EXOC2: variants seen among roughly 807,000 people sequenced by gnomAD.
The protein encoded by EXOC2 is exocyst complex component 2.
Under a neutral mutation model 131.8 loss-of-function variants are expected in EXOC2, and 70 were observed. That is an observed-to-expected ratio of 0.53 (90% confidence interval 0.44 to 0.65). The LOEUF (loss-of-function observed/expected upper bound fraction) is 0.65. EXOC2 is among the 30% of genes least tolerant of loss of function. The pLI is 0.00. For synonymous variants in EXOC2, 411 were observed against 398.4 expected, an observed-to-expected ratio of 1.03 and a Z score of -0.38; for missense variants, 923 against 1,108.6, an observed-to-expected ratio of 0.83 and a Z score of 2.38.
chr6:533,199 C>T (rs1766204124), intron 22 of EXOC2, among the ~76,000 whole-genome samples: 1 of 152,108 alleles, frequency 6.6e-6, no homozygotes, highest in Non-Finnish European at 1.5e-5. Context: ...TGGGTAGGGA[C>T]AGAAAGCCTA....
rs550815365 is a variant in EXOC2 at position 603,962 on chromosome 6, T to C, written c.743-4737A>G. ...AGCTAATAACGACAGGAAGCACTGA[T>C]GCTATGCCAGGTGTGATTCGAAAAC... is the stretch of plus-strand genomic sequence containing the variant. On this transcript the variant is annotated intron_variant, in intron 7 of 27. Coordinates refer to ENST00000230449, the MANE Select transcript of EXOC2 (RefSeq NM_018303.6). Among the ~76,000 whole-genome samples, 3 of 152,346 alleles carry C rather than the reference T, an allele frequency of 2.0e-5. No individual in the cohort carries two copies. In the South Asian group the frequency reaches 6.2e-4, roughly 32 times the overall value.
intron 1 of EXOC2, among the ~76,000 whole-genome samples, chr6:641,399 C>T (rs1438020676): frequency 6.6e-6 from 1 of 152,126 alleles, no homozygotes; most frequent in Non-Finnish European, 1.5e-5. Flanking sequence ...AAACCACGCC[C>T]TAGTATAGGC....
chr6:669,984 G>A (rs1007068968), intron 1 of EXOC2: 1 of 152,148 alleles, frequency 6.6e-6, no homozygotes, highest in Non-Finnish European at 1.5e-5. Context: ...ACATGTAAAG[G>A]GAATGTGATA....
chr6:591,666 T>C (rs1310222796), intron 11 of EXOC2, among the ~76,000 whole-genome samples: 2 of 152,160 alleles, frequency 1.3e-5, no homozygotes, highest in African/African-American at 2.4e-5. Flanking sequence ...CTGTCTACCC[T>C]ACTATTTTGT....
At chr6:570,202 C>T (rs1162006703) in intron 13 of EXOC2, among the ~76,000 whole-genome samples, 1 of 117,306 alleles carries the variant, frequency 8.5e-6, no homozygotes, top group East Asian at 2.7e-4. Flanking sequence ...GGCGCGATCT[C>T]GGCTCACTGC....
chr6:532,354 A>T (rs1766140158), intron 23 of EXOC2, 115 bp downstream of exon 23: 1 of 1,123,670 alleles, frequency 8.9e-7, no homozygotes, highest in East Asian at 2.8e-5. Flanking sequence ...AATCAAATTA[A>T]TCTCTCACTC....
At chr6:543,638 C>T (rs575496861) in intron 22 of EXOC2, among the ~76,000 whole-genome samples, 2 of 152,232 alleles carry the variant, frequency 1.3e-5, no homozygotes, top group South Asian at 2.1e-4. Flanking sequence ...ATAATGTATG[C>T]TTAGGTTGAA....
rs764813218 is a variant in EXOC2, at chr6:499,739, A to G, written c.2381-39T>C. Reference sequence around the variant, plus strand: ...AAAGGAGAGAAAGAAGGCATTAATAATAACACAAGCTCCCCTCCCCTGCTG... The same window carrying G: ...AAAGGAGAGAAAGAAGGCATTAATAGTAACACAAGCTCCCCTCCCCTGCTG... On this transcript the variant is annotated intron_variant, in intron 23 of 27. Coordinates refer to ENST00000230449, the MANE Select transcript of EXOC2 (RefSeq NM_018303.6). 2.5e-5 allele frequency: 39 copies of G among 1,562,474 alleles called. No individual in the cohort carries two copies. In the Admixed American group the frequency reaches 4.8e-4, roughly 19 times the overall value.
intron 21 of EXOC2, among the ~76,000 whole-genome samples, chr6:551,414 A>G (rs901190887): frequency 6.6e-6 from 1 of 152,256 alleles, no homozygotes; most frequent in Non-Finnish European, 1.5e-5. Context: ...TTGGTCACAA[A>G]AAAACACTGG....
intron 1 of EXOC2, among the ~76,000 whole-genome samples, chr6:682,118 A>G (rs1764429869): frequency 6.6e-6 from 1 of 152,228 alleles, no homozygotes; most frequent in African/African-American, 2.4e-5. Flanking sequence ...GCTGGTGACT[A>G]ACAGCCAGTC....
chr6:685,875 T>A (rs949388362), intron 1 of EXOC2, among the ~76,000 whole-genome samples: 8 of 117,636 alleles, frequency 6.8e-5, no homozygotes, highest in South Asian at 2.5e-4. Context: ...ACCTCTTTTT[T>A]TTTTTTTTTT....
chr6:614,057 A>T (rs1760852760), intron 6 of EXOC2, among the ~76,000 whole-genome samples: 1 of 152,226 alleles, frequency 6.6e-6, no homozygotes, highest in South Asian at 2.1e-4. Flanking sequence ...TCATGTTATT[A>T]TGCACCAAAG....
intron 1 of EXOC2, among the ~76,000 whole-genome samples, chr6:649,360 A>G (rs953226215): frequency 6.6e-6 from 1 of 152,220 alleles, no homozygotes; most frequent in African/African-American, 2.4e-5. Flanking sequence ...TGGGCAAATA[A>G]TAAACGTTGG....
chr6:562,605 A>G (rs1757758448), intron 17 of EXOC2, among the ~76,000 whole-genome samples, 179 bp downstream of exon 17: 1 of 152,242 alleles, frequency 6.6e-6, no homozygotes, highest in Non-Finnish European at 1.5e-5. Flanking sequence ...TGTTCTCATT[A>G]ATTTTTCAAT....
At chr6:532,771 T>C (rs1766165264) in intron 22 of EXOC2, among the ~76,000 whole-genome samples, 161 bp from the exon 23 acceptor site, 3 of 152,268 alleles carry the variant, frequency 2.0e-5, no homozygotes, top group Non-Finnish European at 4.4e-5. Flanking sequence ...AGATCTCTTT[T>C]AGCATAGCTA....
At chr6:654,985 T>C (rs9405889) in intron 1 of EXOC2, among the ~76,000 whole-genome samples, 86,457 of 151,770 alleles carry the variant, frequency 0.57, 26,358 homozygotes, top group East Asian at 0.78. Flanking sequence ...GTGAAAACTG[T>C]TGAAACAACA....
At chr6:667,943 G>A (rs982782951) in intron 1 of EXOC2, among the ~76,000 whole-genome samples, 6 of 151,840 alleles carry the variant, frequency 4.0e-5, no homozygotes, top group African/African-American at 1.5e-4. Flanking sequence ...CTGTTTCTCT[G>A]GAAAGCCCTA....
chr6:514,901 T>C (rs1435392810), intron 23 of EXOC2, among the ~76,000 whole-genome samples: 2 of 151,962 alleles, frequency 1.3e-5, no homozygotes, highest in Non-Finnish European at 2.9e-5. Context: ...GGGCAGGGAG[T>C]TCTCCATGAA....
chr6:523,083 A>C (rs907477931), intron 23 of EXOC2, among the ~76,000 whole-genome samples: 7 of 152,252 alleles, frequency 4.6e-5, no homozygotes, highest in Admixed American at 1.3e-4. Flanking sequence ...GGAAAAAAAA[A>C]TCTGTTCTGA....
Sources: allele counts gnomAD v4.1 joint callset (sites outside exome capture counted in the v4.1 genomes callset), GRCh38; gene constraint gnomAD v4.1.1; transcripts MANE v1.5; gene names NCBI Gene and HGNC (gene_info 2026-07-23, HGNC 2026-07-21).